Variants in DISC1 observed in about 807,000 individuals in gnomAD.
The protein encoded by DISC1 is DISC1 scaffold protein.
DISC1 carries 57 observed loss-of-function variants against 84.5 expected under a neutral mutation model. The observed-to-expected ratio is 0.67, with a 90% CI of 0.55 to 0.84. The LOEUF (loss-of-function observed/expected upper bound fraction) is 0.84. Among genes scored for constraint, DISC1 ranks in the 40% least tolerant of loss-of-function variants. The pLI, the probability that DISC1 is intolerant of heterozygous loss-of-function variation, is 0.00. For missense variants in DISC1, 1,000 were observed against 1,057.8 expected, an observed-to-expected ratio of 0.95 and a Z score of 0.76; for synonymous variants, 411 against 415.2, an observed-to-expected ratio of 0.99 and a Z score of 0.12.
intron 9 of DISC1, chr1:231,855,033 A>G (rs1366165212): frequency 3.0e-6 from 3 of 1,016,354 alleles, no homozygotes; most frequent in Non-Finnish European, 3.5e-6. Flanking sequence ...TAATTCTTTA[A>G]TGTGAGGAAA....
At chr1:231,912,595 G>C (rs1382118863) in intron 9 of DISC1, among the ~76,000 whole-genome samples, 1 of 152,136 alleles carries the variant, frequency 6.6e-6, no homozygotes, top group Non-Finnish European at 1.5e-5. Flanking sequence ...GCCCCTACTG[G>C]GAGGTGCCTC....
intron 3 of DISC1, among the ~76,000 whole-genome samples, chr1:231,711,236 C>T (rs558037730): frequency 6.6e-6 from 1 of 151,972 alleles, no homozygotes; most frequent in Non-Finnish European, 1.5e-5. Flanking sequence ...AGCCCACCAC[C>T]AAGGAGTATA....
chr1:231,695,991 T>G (rs539683166), intron 2 of DISC1, among the ~76,000 whole-genome samples: 21 of 152,300 alleles, frequency 1.4e-4, no homozygotes, highest in Non-Finnish European at 2.8e-4. Flanking sequence ...GTGTGGAGTC[T>G]TCCAGTTAGT....
chr1:231,866,493 C>T (rs776344714), intron 9 of DISC1: 7 of 788,048 alleles, frequency 8.9e-6, no homozygotes, highest in Non-Finnish European at 1.4e-5. Context: ...TTTCGAAGTC[C>T]TTAATATTTA....
At chr1:231,655,713 C>T (rs772682583) in intron 1 of DISC1, among the ~76,000 whole-genome samples, 11 of 152,142 alleles carry the variant, frequency 7.2e-5, no homozygotes, top group Non-Finnish European at 1.3e-4. Flanking sequence ...TATGTTACCA[C>T]CAGAAGTATA....
chr1:231,833,797 C>G (rs2082419272), intron 9 of DISC1, among the ~76,000 whole-genome samples: 1 of 152,010 alleles, frequency 6.6e-6, no homozygotes, highest in Admixed American at 6.6e-5. Context: ...AATTGCAACT[C>G]AGAAATATGT....
At chr1:232,024,597 A>ATT (rs532796193) in intron 11 of DISC1, among the ~76,000 whole-genome samples, 1 of 145,134 alleles carries the variant, frequency 6.9e-6, no homozygotes. Flanking sequence ...CCCTTATGCA[A>ATT]TTTTTTTTTT....
intron 1 of DISC1, chr1:231,670,540 G>C (rs4366301): frequency 0.46 from 70,399 of 152,034 alleles, 16,923 homozygotes; most frequent in East Asian, 0.82. Context: ...TTTGGTAAAC[G>C]AGGAAGTGCT....
chr1:231,734,012 C>T (rs1044846339), intron 3 of DISC1, among the ~76,000 whole-genome samples: 3 of 148,644 alleles, frequency 2.0e-5, no homozygotes, highest in South Asian at 4.4e-4. Flanking sequence ...TGGTGGTGGC[C>T]GTATTGGTGG....
At chr1:231,705,943 C>A (rs1405022580) in intron 3 of DISC1, among the ~76,000 whole-genome samples, 2 of 152,050 alleles carry the variant, frequency 1.3e-5, no homozygotes, top group East Asian at 3.9e-4. Context: ...TTCTTTTGCT[C>A]TTTCTTTCTT....
intron 9 of DISC1, chr1:231,940,997 T>C (rs982520085): frequency 6.6e-6 from 1 of 152,216 alleles, no homozygotes; most frequent in African/African-American, 2.4e-5. Flanking sequence ...ACATGGGCAT[T>C]CGCAGGGTGC....
At chr1:231,801,588 AC>A (rs1292654384) in intron 8 of DISC1, among the ~76,000 whole-genome samples, 20 of 152,174 alleles carry the variant, frequency 1.3e-4, no homozygotes, top group African/African-American at 4.8e-4. Context: ...CTGGTAACTG[AC>A]CTTTTGACCT....
At chr1:231,809,524 G>A (rs201667420) in intron 8 of DISC1, among the ~76,000 whole-genome samples, 1,384 of 123,462 alleles carry the variant, frequency 0.011, 5 homozygotes, top group African/African-American at 0.021. Flanking sequence ...TTTTTTTTTT[G>A]AAAAAAAAAA....
intron 11 of DISC1, among the ~76,000 whole-genome samples, chr1:232,020,875 C>T (rs1668894682): frequency 6.6e-6 from 1 of 152,152 alleles, no homozygotes; most frequent in South Asian, 2.1e-4. Context: ...TTTCCTCCTA[C>T]CAGGGGATCT....
At chr1:231,736,479 A>G (rs2125231211) in intron 3 of DISC1, among the ~76,000 whole-genome samples, 1 of 152,364 alleles carries the variant, frequency 6.6e-6, no homozygotes, top group South Asian at 2.1e-4. Context: ...TTGTGAAAGA[A>G]TATACATATA....
intron 9 of DISC1, among the ~76,000 whole-genome samples, chr1:231,822,137 G>A (rs754736123): frequency 1.3e-5 from 2 of 152,106 alleles, no homozygotes; most frequent in Non-Finnish European, 2.9e-5. Flanking sequence ...AGCTATAAAG[G>A]AAACCGACGT....
intron 9 of DISC1, among the ~76,000 whole-genome samples, chr1:231,853,916 A>G (rs73093423): frequency 0.054 from 8,181 of 152,210 alleles, 715 homozygotes; most frequent in African/African-American, 0.19. Context: ...TGGAAATACC[A>G]CCCTAAACAA....
chr1:231,756,258 C>G (rs1336091702), intron 4 of DISC1, among the ~76,000 whole-genome samples: 2 of 152,200 alleles, frequency 1.3e-5, no homozygotes, highest in Non-Finnish European at 2.9e-5. Flanking sequence ...GTCACACTGC[C>G]TCTCCCTTGA....
chr1:231,782,082 G>A (rs1388233662), intron 6 of DISC1, among the ~76,000 whole-genome samples: 1 of 152,162 alleles, frequency 6.6e-6, no homozygotes, highest in Admixed American at 6.5e-5. Flanking sequence ...TTTCAGTGGG[G>A]GGTGCTGTGT....
Sources: allele counts gnomAD v4.1 joint callset (sites outside exome capture counted in the v4.1 genomes callset), GRCh38; gene constraint gnomAD v4.1.1; transcripts MANE v1.5; gene names NCBI Gene and HGNC (gene_info 2026-07-23, HGNC 2026-07-21).